The following PIEZO1 variants were observed in gnomAD, a reference collection of about 807,000 sequenced individuals.
PIEZO1 encodes piezo-type mechanosensitive ion channel component 1.
PIEZO1 carries 296 observed loss-of-function variants against 297.2 expected under a neutral mutation model. The observed-to-expected ratio is 1.00, with a 90% CI of 0.91 to 1.10. The LOEUF (loss-of-function observed/expected upper bound fraction) is 1.10, where lower values mean the gene tolerates loss of function less well. Among genes scored for constraint, PIEZO1 ranks in the 50% least tolerant of loss-of-function variants. The pLI is 0.00. For missense variants in PIEZO1, 5,018 were observed against 3,455.5 expected, an observed-to-expected ratio of 1.45 and a Z score of -11.34; for synonymous variants, 2,427 against 1,507.5, an observed-to-expected ratio of 1.61 and a Z score of -14.13.
chr16:88,741,305 G>C, intron 5 of PIEZO1, 173 bp downstream of exon 5: 1 of 611,202 alleles, frequency 1.6e-6, no homozygotes, highest in South Asian at 2.0e-5. Flanking sequence ...TGAACGGATG[G>C]AACTGCAGGC....
rs1315355781 is a variant in PIEZO1 at position 88,725,083 on chromosome 16, G to C, written c.4163-3C>G. ...GGAGCCCCCTGGACTGTCGGGCCCTGTGGAGGGGCAGGGTGAGCATGAGGC... is the reference window on the plus strand; with the variant it reads ...GGAGCCCCCTGGACTGTCGGGCCCTCTGGAGGGGCAGGGTGAGCATGAGGC... On this transcript the variant is annotated splice_region_variant and splice_polypyrimidine_tract_variant and intron_variant, in intron 29 of 50. Coordinates refer to ENST00000301015, the MANE Select transcript of PIEZO1 (RefSeq NM_001142864.4). The C allele has an allele frequency of 6.6e-7, 1 of 1,510,912 alleles. No homozygotes were observed. The highest frequency in any genetic ancestry group is 1.4e-5 in the African/African-American group (1 of 70,348). 93.6% of individuals were successfully genotyped at this position (1,510,912 alleles called of 1,614,324 possible). A position where few individuals can be genotyped will look rare whatever the true frequency, so the allele number is the denominator to read the frequency against.
Position 88,726,307 on chromosome 16 carries a change from CT to C in PIEZO1, c.3944del (p.Gln1315ArgfsTer6), listed in dbSNP as rs1235063459. 2 of 1,549,794 alleles carry C rather than the reference CT, an allele frequency of 1.3e-6. No homozygotes were observed. On this transcript the variant is annotated frameshift_variant, in exon 27 of 51. Coordinates refer to ENST00000301015, the MANE Select transcript of PIEZO1 (RefSeq NM_001142864.4). LOFTEE classifies it high-confidence loss of function. ...GCCTGGAGGCTAGCAGGGCGGTGGCCTGGAGGTCGGCCCTGACGTGCAGGTA... is the reference window on the plus strand; with the variant it reads ...GCCTGGAGGCTAGCAGGGCGGTGGCCGGAGGTCGGCCCTGACGTGCAGGTA... ...HYYLHVRADL[Q>X]ATALLASRGF...
At chr16:88,756,743 G>A (rs751387034) in intron 1 of PIEZO1, among the ~76,000 whole-genome samples, 2 of 151,768 alleles carry the variant, frequency 1.3e-5, no homozygotes, top group African/African-American at 2.4e-5. Context: ...ACTCCAGCCT[G>A]GGCAATAGAG....
In PIEZO1 at chr16:88,742,417, T is replaced by G. The variant is rs758308856; in HGVS notation, c.166A>C (p.Thr56Pro). 8.7e-5 allele frequency: 134 copies of G among 1,534,540 alleles called. No homozygotes were observed. The highest frequency in any genetic ancestry group is 1.1e-4 in the Non-Finnish European group (127 of 1,146,522). ...AGCAATGCCCGCAGGAGGCGGCCTG[T>G]GTGACCTGCGGCAGAGCGAGTGGGT... ...GPTRCGLQGH[T>P]GRLLRALLGL... The change falls in exon 3 of 51, where the codon ACA becomes CCA. Residue 56 changes from threonine to proline, a missense_variant. Coordinates refer to ENST00000301015, the MANE Select transcript of PIEZO1 (RefSeq NM_001142864.4).
chr16:88,723,896 C>T lies in PIEZO1; in HGVS notation c.4310G>A (p.Arg1437Lys), dbSNP rs1268938958. 7.1e-6 allele frequency: 11 copies of T among 1,548,068 alleles called. No individual in the cohort carries two copies. The Admixed American group carries it at 1.4e-4, about 19-fold the overall frequency. ...EEEEAVPEDPRPSAQSAFQLA... is the reference protein window; with the variant it reads ...EEEEAVPEDPKPSAQSAFQLA... ...CTGGAAGGCACTCTGTGCCGACGGC[C>T]TCGGGTCTTCAGGAACAGCCTCCTC... The change falls in exon 31 of 51, where the codon AGG (arginine) becomes AAG (lysine). Residue 1437 changes from arginine (R) to lysine (K), a missense_variant. Physicochemically the swap from Arg to Lys is conservative, Grantham distance 26. Transcript: ENST00000301015.
chr16:88,762,090 A>T (rs1265437087), intron 1 of PIEZO1, among the ~76,000 whole-genome samples: 1 of 152,186 alleles, frequency 6.6e-6, no homozygotes, highest in African/African-American at 2.4e-5. Flanking sequence ...GTGTGGCCCC[A>T]GGAAGGACGC....
intron 2 of PIEZO1, among the ~76,000 whole-genome samples, chr16:88,747,815 T>C (rs1465457533): frequency 1.3e-5 from 2 of 152,100 alleles, no homozygotes; most frequent in African/African-American, 4.8e-5. Flanking sequence ...GCCACAGGGT[T>C]ACCGCAGGGG....
chr16:88,757,550 T>G (rs1414369035), intron 1 of PIEZO1, among the ~76,000 whole-genome samples: 11 of 149,444 alleles, frequency 7.4e-5, no homozygotes, highest in African/African-American at 2.7e-4. Context: ...GTGGAGCCAA[T>G]GGGCTGGACT....
rs748012422 is a variant in PIEZO1 at position 88,733,687 on chromosome 16, C to T, written c.2388G>A (p.Ser796=). 3.2e-6 allele frequency: 5 copies of T among 1,549,222 alleles called. No individual in the cohort carries two copies. Among genetic ancestry groups the T allele is most frequent in the African/African-American group, 1.4e-5 (1 of 73,010 alleles). The change falls in exon 18 of 51, where the codon TCG becomes TCA. Residue 796 remains serine (S), a synonymous_variant. Transcript: ENST00000301015. Reference sequence around the variant, plus strand: ...ACACCTGCACGCGTGAGAGGACGTCCGAGAAGCCGGCTGCCAGCTCCAGCA... The same window carrying T: ...ACACCTGCACGCGTGAGAGGACGTCTGAGAAGCCGGCTGCCAGCTCCAGCA... ...ERLLELAAGF[S]DVLSRVQVFL...
At position 88,735,256 on chromosome 16, in the gene PIEZO1, G is replaced by T; in HGVS notation, c.1558-10C>A. On this transcript the variant is annotated splice_polypyrimidine_tract_variant and intron_variant, in intron 12 of 50. Coordinates refer to ENST00000301015, the MANE Select transcript of PIEZO1 (RefSeq NM_001142864.4). ...TCAGGGTGTAGAGCAACTGTGACAA[G>T]CGCAGGGTGTCACAGTCAGCCGGGG... The T allele has an allele frequency of 6.5e-7, 1 of 1,533,290 alleles. No individual in the cohort carries two copies. Among genetic ancestry groups the T allele is most frequent in the East Asian group, 2.5e-5 (1 of 40,814 alleles). 95.0% of individuals were successfully genotyped at this position (1,533,290 alleles called of 1,614,324 possible).
chr16:88,738,522 G>A (rs1905412534), intron 6 of PIEZO1, 46 bp downstream of exon 6: 1 of 1,529,426 alleles, frequency 6.5e-7, no homozygotes, highest in African/African-American at 1.4e-5. Flanking sequence ...GAACTCCCAA[G>A]ACCCCTCCCA....
At chr16:88,751,331 G>A (rs752862029) in intron 1 of PIEZO1, among the ~76,000 whole-genome samples, 13 of 152,224 alleles carry the variant, frequency 8.5e-5, no homozygotes, top group African/African-American at 2.9e-4. Context: ...TGGAGCTGAC[G>A]CTTGCACCTG....
In PIEZO1 at chr16:88,735,158, G is replaced by A. The variant is rs775326454; in HGVS notation, c.1646C>T (p.Thr549Met). Residue 549 changes from threonine (T) to methionine (M), a missense_variant, in exon 13 of 51, where the codon ACG becomes ATG. Thr to Met is a moderately conservative substitution (Grantham distance 81). Transcript: ENST00000301015. ...LKWAESPAAL[T>M]EVTVADTEPT... ...ACCTGTGTCTGCCACGGTGACCTCCGTCAGCGCAGCTGGAGACTCTGCCCA... is the reference window on the plus strand; with the variant it reads ...ACCTGTGTCTGCCACGGTGACCTCCATCAGCGCAGCTGGAGACTCTGCCCA... 88 of 1,550,170 alleles carry A rather than the reference G, an allele frequency of 5.7e-5. No homozygotes were observed. The highest frequency in any genetic ancestry group is 2.5e-4 in the Admixed American group (13 of 50,992).
At chr16:88,742,973 T>G in intron 2 of PIEZO1, 1 of 439,642 alleles carries the variant, frequency 2.3e-6, no homozygotes, top group Non-Finnish European at 4.6e-6. Flanking sequence ...GCATGGCCTA[T>G]GCATGGTACC....
intron 19 of PIEZO1, chr16:88,733,043 G>A (rs563832748): frequency 4.3e-5 from 25 of 585,636 alleles, no homozygotes; most frequent in Admixed American, 6.1e-5. Flanking sequence ...CTCACTGCCG[G>A]AGACCCTGGG....
At chr16:88,784,728 G>A (rs1339185222) in intron 1 of PIEZO1, among the ~76,000 whole-genome samples, 173 bp downstream of exon 1, 2 of 151,622 alleles carry the variant, frequency 1.3e-5, no homozygotes, top group Admixed American at 6.6e-5. Context: ...CCCCGCCGCC[G>A]CCTGGCGCGC....
At chr16:88,729,357 T>G (rs1487494450) in intron 22 of PIEZO1, among the ~76,000 whole-genome samples, 3 of 59,944 alleles carry the variant, frequency 5.0e-5, no homozygotes, top group Admixed American at 1.3e-4. Flanking sequence ...ACCCAGGACA[T>G]GCTGAACCCA....
chr16:88,760,453 C>A (rs936932573), intron 1 of PIEZO1, among the ~76,000 whole-genome samples: 1 of 152,274 alleles, frequency 6.6e-6, no homozygotes, highest in Non-Finnish European at 1.5e-5. Flanking sequence ...TTTGAACCAA[C>A]CCCTGTCATC....
chr16:88,721,533 C>T lies in PIEZO1; in HGVS notation c.5403+5G>A. The stretch of plus-strand genomic sequence containing the variant: ...CCCGCATTGCCAGCCAAGGCTCACA[C>T]TCACCAGCAGCTGGGAGCGGTGGAA... On this transcript the variant is annotated splice_donor_5th_base_variant and intron_variant, in intron 38 of 50. Coordinates refer to ENST00000301015, the MANE Select transcript of PIEZO1 (RefSeq NM_001142864.4). 1 of 1,547,572 alleles carries T rather than the reference C, an allele frequency of 6.5e-7. No individual in the cohort carries two copies. The highest frequency in any genetic ancestry group is 1.2e-5 in the South Asian group (1 of 83,850).
Sources: gnomAD v4.1 joint callset for allele counts (sites outside exome capture counted in the v4.1 genomes callset) on GRCh38, gnomAD v4.1.1 for gene constraint, MANE v1.5 for transcripts, NCBI Gene and HGNC (gene_info 2026-07-23, HGNC 2026-07-21) for gene names.